ITGAL: variants seen among roughly 807,000 people sequenced by gnomAD.
ITGAL encodes integrin alpha-L.
Under a neutral mutation model 138.4 loss-of-function variants are expected in ITGAL, and 68 were observed. That is an observed-to-expected ratio of 0.49 (90% confidence interval 0.40 to 0.60). ITGAL has a LOEUF of 0.60. Among genes scored for constraint, ITGAL ranks in the 20% least tolerant of loss-of-function variants. ITGAL has a pLI of 0.00. For synonymous variants in ITGAL, 561 were observed against 584.3 expected, an observed-to-expected ratio of 0.96 and a Z score of 0.57; for missense variants, 1,256 against 1,478.6, an observed-to-expected ratio of 0.85 and a Z score of 2.47.
chr16:30,489,536 G>C (rs1370606748), intron 11 of ITGAL, 150 bp downstream of exon 11: 17 of 759,610 alleles, frequency 2.2e-5, no homozygotes, highest in Non-Finnish European at 3.6e-5. Context: ...ATAATTTATT[G>C]TCTGTATTTT....
At position 30,505,443 on chromosome 16, in the gene ITGAL, G is replaced by A; in HGVS notation, c.2347G>A (p.Val783Met). ...EDKKCEANLRVSFSPARSRAL... is the reference protein window; with the variant it reads ...EDKKCEANLRMSFSPARSRAL... ...CAAGAAGTGTGAGGCAAACTTGAGA[G>A]TGTCCTTCTCTCCTGCAAGGTCAGT... The change falls in exon 20 of 31, where the codon GTG becomes ATG. Residue 783 changes from valine (V) to methionine (M), a missense_variant. This residue lies in a region of ITGAL where 867 missense variants were observed against 972.5 expected (regional missense o/e 0.89). Coordinates refer to ENST00000356798, the MANE Select transcript of ITGAL (RefSeq NM_002209.3). The A allele has an allele frequency of 6.2e-7, 1 of 1,613,890 alleles. No homozygotes were observed. Among genetic ancestry groups the A allele is most frequent in the Non-Finnish European group, 8.5e-7 (1 of 1,179,958 alleles).
Position 30,505,142 on chromosome 16 carries a change from G to A in ITGAL, c.2236-102G>A. ...TCCTGGGCAGGGCCAACCACAGCCA[G>A]CCCAGTTGAGCTAAGCCCCTGCCCC... On this transcript the variant is annotated intron_variant, in intron 18 of 30. Coordinates refer to ENST00000356798, the MANE Select transcript of ITGAL (RefSeq NM_002209.3). The A allele has an allele frequency of 3.4e-6, 4 of 1,191,856 alleles. No individual in the cohort carries two copies. The South Asian group carries it at 5.7e-5, about 17-fold the overall frequency. 73.8% of individuals were successfully genotyped at this position (1,191,856 alleles called of 1,614,324 possible). A position where few individuals can be genotyped will look rare whatever the true frequency, so the allele number is the denominator to read the frequency against.
At position 30,489,142 on chromosome 16, in the gene ITGAL, C is replaced by T; in HGVS notation, c.1067C>T (p.Ala356Val). The T allele has an allele frequency of 1.2e-6, 2 of 1,614,124 alleles. No homozygotes were observed. Among genetic ancestry groups the T allele is most frequent in the Non-Finnish European group, 1.7e-6 (2 of 1,180,024 alleles). The change falls in exon 10 of 31, where the codon GCT becomes GTT. Residue 356 changes from alanine (A) to valine (V), a missense_variant. Ala to Val is a moderately conservative substitution (Grantham distance 64). Transcript: ENST00000356798. ...NMELSSSGIS[A>V]DLSRGHAVVG... is the part of the protein sequence containing the mutation. ...GAGCTGTCCTCCAGCGGCATCAGTGCTGACCTCAGCAGGGTGCGTGCTGGG... is the reference window on the plus strand; with the variant it reads ...GAGCTGTCCTCCAGCGGCATCAGTGTTGACCTCAGCAGGGTGCGTGCTGGG...
intron 17 of ITGAL, among the ~76,000 whole-genome samples, chr16:30,502,754 A>T (rs2050923188): frequency 6.6e-6 from 1 of 152,064 alleles, no homozygotes; most frequent in South Asian, 2.1e-4. Flanking sequence ...ATCTCAAAAA[A>T]AAAAAAAAAT....
In ITGAL at chr16:30,479,123, C is replaced by A. The variant is rs866102650; in HGVS notation, c.360C>A (p.Asp120Glu). 4 of 1,613,998 alleles carry A rather than the reference C, an allele frequency of 2.5e-6. No individual in the cohort carries two copies. The highest frequency in any genetic ancestry group is 2.7e-5 in the African/African-American group (2 of 74,910). Residue 120 changes from aspartate (D) to glutamate (E), a missense_variant, in exon 5 of 31, where the codon GAC becomes GAA. Asp to Glu is a conservative substitution (Grantham distance 45). Transcript: ENST00000356798. Reference sequence around the variant, plus strand: ...ACCCTGGGCTGTCTCGAACGTGTGACCAGAACACCTATCTGAGTGGCCTGT... The same window carrying A: ...ACCCTGGGCTGTCTCGAACGTGTGAACAGAACACCTATCTGAGTGGCCTGT... ...ACDPGLSRTCDQNTYLSGLCY... is the reference protein window; with the variant it reads ...ACDPGLSRTCEQNTYLSGLCY...
intron 4 of ITGAL, among the ~76,000 whole-genome samples, chr16:30,478,347 A>G (rs1192015389): frequency 6.7e-6 from 1 of 149,486 alleles, no homozygotes; most frequent in African/African-American, 2.4e-5. Flanking sequence ...AAAAAAAGAA[A>G]GAAAGAAAAA....
Position 30,483,976 on chromosome 16 carries a change from T to C in ITGAL, c.855+17T>C. On this transcript the variant is annotated intron_variant, in intron 8 of 30. Transcript: ENST00000356798. The stretch of plus-strand genomic sequence containing the variant: ...ATCATCGGGGTAGGGCCCCTGCTGC[T>C]TCCTGCATCATATCTTCCCTCTCCT... 3 of 1,606,812 alleles carry C rather than the reference T, an allele frequency of 1.9e-6. No homozygotes were observed. The highest frequency in any genetic ancestry group is 2.6e-6 in the Non-Finnish European group (3 of 1,174,056).
At chr16:30,508,338 C>T (rs895017965) in intron 21 of ITGAL, among the ~76,000 whole-genome samples, 4 of 151,626 alleles carry the variant, frequency 2.6e-5, no homozygotes, top group Non-Finnish European at 5.9e-5. Context: ...CTCAGCCTCC[C>T]GAGTAGCTGG....
rs370903267 is a variant in ITGAL, at chr16:30,472,825, G to T, written c.-13G>T. On this transcript the variant is annotated 5_prime_UTR_variant, in exon 1 of 31. Transcript: ENST00000356798. ...CTGCCCCTGGGGCCACAGGTCCCTC[G>T]AGTGCTGGAAGGATGAAGGATTCCT... 2.5e-6 allele frequency: 4 copies of T among 1,611,908 alleles called. No individual in the cohort carries two copies. The highest frequency in any genetic ancestry group is 3.4e-6 in the Non-Finnish European group (4 of 1,179,408).
intron 10 of ITGAL, 25 bp from the exon 11 acceptor site, chr16:30,489,229 C>G (rs768224066): frequency 6.2e-7 from 1 of 1,613,920 alleles, no homozygotes; most frequent in Non-Finnish European, 8.5e-7. Context: ...GGGTAGCTGA[C>G]CCGCTCATCT....
intron 4 of ITGAL, among the ~76,000 whole-genome samples, chr16:30,476,919 C>G (rs2050480409): frequency 1.3e-5 from 2 of 152,188 alleles, no homozygotes; most frequent in South Asian, 4.1e-4. Context: ...CAGGCATGAG[C>G]TACCACACCT....
At chr16:30,499,858 C>G (rs1012119355) in intron 17 of ITGAL, among the ~76,000 whole-genome samples, 3 of 147,138 alleles carry the variant, frequency 2.0e-5, no homozygotes, top group Non-Finnish European at 3.0e-5. Context: ...AAGCAATTCT[C>G]CTGCCTCAGT....
At chr16:30,487,245 G>A (rs1299775278) in intron 9 of ITGAL, among the ~76,000 whole-genome samples, 1 of 152,038 alleles carries the variant, frequency 6.6e-6, no homozygotes, top group African/African-American at 2.4e-5. Flanking sequence ...CATAGTGCTG[G>A]GATTACAGGC....
At chr16:30,519,769 A>T in intron 29 of ITGAL, 88 bp from the exon 30 acceptor site, 1 of 832,942 alleles carries the variant, frequency 1.2e-6, no homozygotes, top group Middle Eastern at 2.2e-4. Flanking sequence ...CAGTCCGGAT[A>T]GGAGGAGATG....
intron 4 of ITGAL, among the ~76,000 whole-genome samples, chr16:30,476,945 T>C (rs1438455847): frequency 1.3e-5 from 2 of 152,170 alleles, no homozygotes; most frequent in Non-Finnish European, 2.9e-5. Context: ...CTTTATTTCT[T>C]TTAAACCCTC....
At position 30,513,858 on chromosome 16, in the gene ITGAL, A is replaced by T; in HGVS notation, c.2862+12A>T. 6.3e-7 allele frequency: 1 copy of T among 1,591,044 alleles called. No homozygotes were observed. Among genetic ancestry groups the T allele is most frequent in the Non-Finnish European group, 8.6e-7 (1 of 1,159,022 alleles). On this transcript the variant is annotated intron_variant, in intron 25 of 30. Transcript: ENST00000356798. Reference sequence around the variant, plus strand: ...AGCACATGTACCAGGTATGAATCCCAATGTGGAAGGTCCTTATAGGTCACA... The same window carrying T: ...AGCACATGTACCAGGTATGAATCCCTATGTGGAAGGTCCTTATAGGTCACA...
chr16:30,495,416 C>T (rs976655186), intron 13 of ITGAL, among the ~76,000 whole-genome samples: 1 of 152,170 alleles, frequency 6.6e-6, no homozygotes, highest in Non-Finnish European at 1.5e-5. Flanking sequence ...GCCTCGGCCT[C>T]CCAAAATGCT....
chr16:30,516,952 A>C (rs753237545), intron 25 of ITGAL, 21 bp from the exon 26 acceptor site: 1 of 1,557,752 alleles, frequency 6.4e-7, no homozygotes, highest in Non-Finnish European at 8.9e-7. Flanking sequence ...AGGGCTCTGC[A>C]TCCCTTGTCC....
In ITGAL at chr16:30,517,901, C is replaced by T. The variant is rs746687541; in HGVS notation, c.3132+6C>T. ...AGCTGGTGGGAGAGATCGAGGTAGT[C>T]CCCGCTCCTAAGAGATGTGGAGCTG... On this transcript the variant is annotated splice_donor_region_variant and intron_variant, in intron 28 of 30. Coordinates refer to ENST00000356798, the MANE Select transcript of ITGAL (RefSeq NM_002209.3). The T allele has an allele frequency of 2.9e-5, 47 of 1,612,680 alleles. No homozygotes were observed. Among genetic ancestry groups the T allele is most frequent in the Non-Finnish European group, 3.8e-5 (45 of 1,179,368 alleles).
Sources: gnomAD v4.1 joint callset for allele counts (sites outside exome capture counted in the v4.1 genomes callset) on GRCh38, gnomAD v4.1.1 for gene constraint, gnomAD v4.1.1 regional missense constraint, MANE v1.5 for transcripts, NCBI Gene and HGNC (gene_info 2026-07-23, HGNC 2026-07-21) for gene names.